Variants in COLGALT1 observed in about 807,000 individuals in gnomAD.
COLGALT1 encodes procollagen galactosyltransferase 1.
COLGALT1 carries 43 observed loss-of-function variants against 60.8 expected under a neutral mutation model. That is an observed-to-expected ratio of 0.71 (90% confidence interval 0.55 to 0.91). The LOEUF is 0.91. Ranked by LOEUF, COLGALT1 falls within the 40% of genes least tolerant of loss-of-function variation. The pLI, the probability that COLGALT1 is intolerant of heterozygous loss-of-function variation, is 0.00. For synonymous variants in COLGALT1, 369 were observed against 374.2 expected (o/e 0.99, Z 0.16); for missense variants, 845 against 880.0 (o/e 0.96, Z 0.50).
At chr19:17,560,226 C>T (rs1181185441) in intron 2 of COLGALT1, 122 bp from the exon 3 acceptor site, 2 of 682,978 alleles carry the variant, frequency 2.9e-6, no homozygotes, top group Non-Finnish European at 5.1e-6. Flanking sequence ...TCCCATCCCT[C>T]AGATCAGCTT....
At chr19:17,572,171 G>A (rs1158304391) in intron 5 of COLGALT1, among the ~76,000 whole-genome samples, 1 of 152,024 alleles carries the variant, frequency 6.6e-6, no homozygotes, top group Admixed American at 6.6e-5. Flanking sequence ...AGCCAGGCAT[G>A]GTGGCATGTG....
rs1231381762 is a variant in COLGALT1 at position 17,572,295 on chromosome 19, C to T, written c.830-188C>T. Among the ~76,000 whole-genome samples, 6 of 142,268 alleles carry T rather than the reference C, an allele frequency of 4.2e-5. No individual in the cohort carries two copies. The Admixed American group carries it at 4.3e-4, about 10-fold the overall frequency. The allele number at this position is 142,268 out of a possible 152,430, so 93.3% of individuals were successfully genotyped here. On this transcript the variant is annotated intron_variant, in intron 5 of 11. Coordinates refer to ENST00000252599, the MANE Select transcript of COLGALT1 (RefSeq NM_024656.4). ...TGCACTCCAGCCTGGGAGAGTGAGA[C>T]TCTGTCTTAAAAAAAAAAAAAAGTT...
Position 17,568,593 on chromosome 19 carries a change from A to C in COLGALT1, c.709A>C (p.Thr237Pro), listed in dbSNP as rs746197010. 2 of 1,614,144 alleles carry C rather than the reference A, an allele frequency of 1.2e-6. No homozygotes were observed. The highest frequency in any genetic ancestry group is 2.2e-5 in the South Asian group (2 of 91,084). The stretch of plus-strand genomic sequence containing the variant: ...CTTTGCAGTTCCCATGGTGCACTCG[A>C]CCTTCCTGATCGACCTGCGGAAGGC... ...GCFAVPMVHS[T>P]FLIDLRKAAS... The change falls in exon 5 of 12, where the codon ACC (threonine) becomes CCC (proline). Residue 237 changes from threonine (T) to proline (P), a missense_variant. Physicochemically the swap from Thr to Pro is conservative, Grantham distance 38. Transcript: ENST00000252599.
At chr19:17,564,631 T>C (rs1386012713) in intron 3 of COLGALT1, among the ~76,000 whole-genome samples, 1 of 151,988 alleles carries the variant, frequency 6.6e-6, no homozygotes, top group Non-Finnish European at 1.5e-5. Context: ...TTGGCCAGGC[T>C]GGTCTTGAAC....
chr19:17,559,159 CA>C (rs1177446406), intron 1 of COLGALT1, 151 bp from the exon 2 acceptor site: 166 of 636,776 alleles, frequency 2.6e-4, no homozygotes, highest in Middle Eastern at 3.9e-4. Context: ...GACTCTGTCT[CA>C]AAAAAAAACA....
At chr19:17,564,529 G>A (rs2076269475) in intron 3 of COLGALT1, among the ~76,000 whole-genome samples, 1 of 146,628 alleles carries the variant, frequency 6.8e-6, no homozygotes, top group African/African-American at 2.5e-5. Flanking sequence ...CAATTTTCCT[G>A]CCTCAGCCTC....
In COLGALT1 at chr19:17,579,970, G is replaced by A. The variant is rs540397277; in HGVS notation, c.1394+361G>A. 8 of 240,848 alleles carry A rather than the reference G, an allele frequency of 3.3e-5. No individual in the cohort carries two copies. The South Asian group carries it at 4.7e-4, about 14-fold the overall frequency. The allele number at this position is 240,848 out of a possible 1,614,324, so 14.9% of individuals were successfully genotyped here. A position where few individuals can be genotyped will look rare whatever the true frequency, so the allele number is the denominator to read the frequency against. On this transcript the variant is annotated intron_variant, in intron 10 of 11. Coordinates refer to ENST00000252599, the MANE Select transcript of COLGALT1 (RefSeq NM_024656.4). ...AGGGCTGTAGCCTATAGGGAAGGGC[G>A]TTGGAAGGATCACCCAGAACTCAAG...
Position 17,581,427 on chromosome 19 carries a change from G to A in COLGALT1, c.1852G>A (p.Ala618Thr). 1 of 1,608,960 alleles carries A rather than the reference G, an allele frequency of 6.2e-7. No homozygotes were observed. Among genetic ancestry groups the A allele is most frequent in the Non-Finnish European group, 8.5e-7 (1 of 1,179,556 alleles). Residue 618 changes from alanine (A) to threonine (T), a missense_variant, in exon 12 of 12, where the codon GCC (alanine) becomes ACC (threonine). By Grantham distance (58) the Ala-to-Thr change is moderately conservative. Coordinates refer to ENST00000252599, the MANE Select transcript of COLGALT1 (RefSeq NM_024656.4). ...GCTCCAGTCCCCACTGGACAGTGCT[G>A]CCCGGGATGAACTCTGAGGGGTAGC... is the stretch of plus-strand genomic sequence containing the variant. ...DVLQSPLDSAARDEL is the reference protein window; with the variant it reads ...DVLQSPLDSATRDEL
chr19:17,579,779 G>A (rs1221038046), intron 10 of COLGALT1, among the ~76,000 whole-genome samples, 170 bp downstream of exon 10: 1 of 151,120 alleles, frequency 6.6e-6, no homozygotes, highest in Non-Finnish European at 1.5e-5. Flanking sequence ...AGGGCTTAGA[G>A]GTGGGGCTGG....
intron 2 of COLGALT1, among the ~76,000 whole-genome samples, chr19:17,559,718 C>G (rs945183877): frequency 1.8e-4 from 28 of 152,132 alleles, no homozygotes; most frequent in African/African-American, 6.5e-4. Context: ...CCAGCACTGG[C>G]TTTGCTGTTT....
At chr19:17,556,094 T>C in intron 1 of COLGALT1, 121 bp downstream of exon 1, 2 of 1,109,658 alleles carry the variant, frequency 1.8e-6, no homozygotes, top group South Asian at 3.4e-5. Context: ...CCGCGCGTGC[T>C]TCCTGCTCGC....
intron 6 of COLGALT1, 101 bp from the exon 7 acceptor site, chr19:17,577,094 A>C: frequency 8.3e-7 from 1 of 1,203,266 alleles, no homozygotes; most frequent in Non-Finnish European, 1.2e-6. Flanking sequence ...TTGTGGGCCG[A>C]GCCAGTCTGA....
At chr19:17,571,333 T>C (rs6512203) in intron 5 of COLGALT1, among the ~76,000 whole-genome samples, 133,834 of 151,906 alleles carry the variant, frequency 0.88, 59,268 homozygotes, top group Middle Eastern at 0.97. Context: ...ACAAGAATTG[T>C]TTGAACCCAG....
intron 6 of COLGALT1, among the ~76,000 whole-genome samples, chr19:17,575,271 A>C (rs1245735859): frequency 1.3e-5 from 2 of 151,968 alleles, no homozygotes; most frequent in African/African-American, 4.8e-5. Context: ...TTTGAGACGG[A>C]GTCTCGCTCT....
Position 17,580,329 on chromosome 19 carries a change from C to T in COLGALT1, c.1395-370C>T, listed in dbSNP as rs2076372503. ...CTAATCTGCATTCTGGGAACACTGC[C>T]CCATGTGAATAGTAACTGCACCCCT... On this transcript the variant is annotated intron_variant, in intron 10 of 11. Transcript: ENST00000252599. The T allele has an allele frequency of 1.8e-5, 6 of 340,134 alleles. No individual in the cohort carries two copies. The East Asian group carries it at 3.6e-4, about 21-fold the overall frequency. The allele number at this position is 340,134 out of a possible 1,614,324, so 21.1% of individuals were successfully genotyped here.
intron 3 of COLGALT1, 37 bp from the exon 4 acceptor site, chr19:17,567,369 G>A: frequency 6.2e-7 from 1 of 1,610,576 alleles, no homozygotes; most frequent in Non-Finnish European, 8.5e-7. Flanking sequence ...AGCCTGACCT[G>A]GCAGCCCATG....
chr19:17,555,711 G>C lies in COLGALT1; in HGVS notation c.-3G>C. On this transcript the variant is annotated 5_prime_UTR_variant, in exon 1 of 12. Coordinates refer to ENST00000252599, the MANE Select transcript of COLGALT1 (RefSeq NM_024656.4). Reference sequence around the variant, plus strand: ...AAACGACTTAAAGGAGACGCGTGGCGCGATGGCGGCGGCCCCACGCGCGGG... The same window carrying C: ...AAACGACTTAAAGGAGACGCGTGGCCCGATGGCGGCGGCCCCACGCGCGGG... The C allele has an allele frequency of 8.4e-7, 1 of 1,187,676 alleles. No individual in the cohort carries two copies. The highest frequency in any genetic ancestry group is 1.0e-6 in the Non-Finnish European group (1 of 960,496). 73.6% of individuals were successfully genotyped at this position (1,187,676 alleles called of 1,614,324 possible).
intron 5 of COLGALT1, among the ~76,000 whole-genome samples, chr19:17,571,447 GT>G (rs1161302635): frequency 6.6e-6 from 1 of 150,850 alleles, no homozygotes; most frequent in Non-Finnish European, 1.5e-5. Context: ...GCATCATTGA[GT>G]TTTTTAGTCT....
chr19:17,568,802 C>G (rs1463483818), intron 5 of COLGALT1, 89 bp downstream of exon 5: 2 of 1,308,730 alleles, frequency 1.5e-6, no homozygotes, highest in Non-Finnish European at 2.2e-6. Context: ...ACTGAAGATT[C>G]ACAGAACCCA....
Sources: gnomAD v4.1 joint callset for allele counts (sites outside exome capture counted in the v4.1 genomes callset) on GRCh38, gnomAD v4.1.1 for gene constraint, MANE v1.5 for transcripts, NCBI Gene and HGNC (gene_info 2026-07-23, HGNC 2026-07-21) for gene names.